Variants in SEC63 observed in about 807,000 individuals in gnomAD.
The protein encoded by SEC63 is translocation protein SEC63 homolog.
In SEC63, 56 loss-of-function variants were observed where a neutral mutation model predicts 116.2. The observed-to-expected ratio is 0.48, with a 90% CI of 0.39 to 0.60. The LOEUF is 0.60. Among genes scored for constraint, SEC63 ranks in the 20% least tolerant of loss-of-function variants. SEC63 has a pLI of 0.00. For synonymous variants in SEC63, 273 were observed against 294.6 expected, an observed-to-expected ratio of 0.93 and a Z score of 0.75; for missense variants, 668 against 900.0, an observed-to-expected ratio of 0.74 and a Z score of 3.30.
chr6:107,915,357 G>A (rs1787374995), intron 4 of SEC63, among the ~76,000 whole-genome samples: 2 of 152,080 alleles, frequency 1.3e-5, no homozygotes, highest in Non-Finnish European at 2.9e-5. Flanking sequence ...AGGGACTCCA[G>A]ATCATAAATC....
intron 16 of SEC63, among the ~76,000 whole-genome samples, chr6:107,889,446 A>T (rs1786620046): frequency 6.6e-6 from 1 of 151,862 alleles, no homozygotes; most frequent in African/African-American, 2.4e-5. Flanking sequence ...CATCCCCTTT[A>T]TCTTTTTTTA....
At chr6:107,910,465 TA>T (rs1787250647) in intron 7 of SEC63, among the ~76,000 whole-genome samples, 1 of 151,954 alleles carries the variant, frequency 6.6e-6, no homozygotes, top group African/African-American at 2.4e-5. Context: ...CAAAAATAAA[TA>T]AATAACAAAA....
intron 13 of SEC63, among the ~76,000 whole-genome samples, chr6:107,898,538 T>C (rs975782330): frequency 6.6e-6 from 1 of 152,122 alleles, no homozygotes; most frequent in Non-Finnish European, 1.5e-5. Flanking sequence ...AAGAGACTTA[T>C]TTTTTTAAAG....
chr6:107,941,957 C>G (rs1327816687), intron 1 of SEC63, among the ~76,000 whole-genome samples: 1 of 152,164 alleles, frequency 6.6e-6, no homozygotes, highest in East Asian at 1.9e-4. Flanking sequence ...AAATAAAAAG[C>G]TGAAGTTTGT....
At chr6:107,900,697 T>A (rs367563545) in intron 13 of SEC63, among the ~76,000 whole-genome samples, 2 of 152,268 alleles carry the variant, frequency 1.3e-5, no homozygotes, top group East Asian at 3.9e-4. Flanking sequence ...ATTATTAATA[T>A]ATCCCTGTAT....
intron 1 of SEC63, among the ~76,000 whole-genome samples, chr6:107,956,954 C>T (rs1390567317): frequency 6.6e-6 from 1 of 152,226 alleles, no homozygotes; most frequent in Non-Finnish European, 1.5e-5. Context: ...TCAAAACCCA[C>T]TCCTTACTGT....
In SEC63 at chr6:107,871,311, T is replaced by C. The variant is rs1403487775; in HGVS notation, c.*393A>G. On this transcript the variant is annotated 3_prime_UTR_variant, in exon 21 of 21. Coordinates refer to ENST00000369002, the MANE Select transcript of SEC63 (RefSeq NM_007214.5). Reference sequence around the variant, plus strand: ...CTTGAGCGATGTTACTTAAAACATATTTGTGGTGTTTGCTAAAACTAAAGC... The same window carrying C: ...CTTGAGCGATGTTACTTAAAACATACTTGTGGTGTTTGCTAAAACTAAAGC... 4.7e-6 allele frequency: 1 copy of C among 212,646 alleles called. No homozygotes were observed. Among genetic ancestry groups the C allele is most frequent in the African/African-American group, 2.3e-5 (1 of 43,126 alleles). 13.2% of individuals were successfully genotyped at this position (212,646 alleles called of 1,614,324 possible).
intron 1 of SEC63, among the ~76,000 whole-genome samples, chr6:107,955,017 C>T (rs992256766): frequency 2.0e-5 from 3 of 152,182 alleles, no homozygotes; most frequent in Non-Finnish European, 2.9e-5. Context: ...GGATGTAAAA[C>T]GGGCAAACTG....
intron 1 of SEC63, among the ~76,000 whole-genome samples, chr6:107,942,910 T>C (rs1009544638): frequency 1.3e-5 from 2 of 152,368 alleles, no homozygotes; most frequent in East Asian, 1.9e-4. Context: ...ATCTACAGTA[T>C]ATATCAAGCA....
At chr6:107,904,996 G>A (rs1300937205) in intron 10 of SEC63, among the ~76,000 whole-genome samples, 2 of 152,204 alleles carry the variant, frequency 1.3e-5, no homozygotes, top group African/African-American at 4.8e-5. Flanking sequence ...GGTGGCTCAC[G>A]CCTATAATCC....
In SEC63 at chr6:107,870,037, GAC is replaced by G. The variant is rs1370816663; in HGVS notation, c.*1665_*1666del. 2.6e-5 allele frequency: 4 copies of G among 152,046 alleles called. No individual in the cohort carries two copies. The highest frequency in any genetic ancestry group is 5.9e-5 in the Non-Finnish European group (4 of 68,034). 9.4% of individuals were successfully genotyped at this position (152,046 alleles called of 1,614,324 possible). On this transcript the variant is annotated 3_prime_UTR_variant, in exon 21 of 21. Coordinates refer to ENST00000369002, the MANE Select transcript of SEC63 (RefSeq NM_007214.5). The stretch of plus-strand genomic sequence containing the variant: ...TTTTCTCTAATCCCTCCTTTCACTT[GAC>G]ACCAGCTGGCTTACCCCCTGCCACC...
At chr6:107,896,567 C>T (rs12111264) in intron 14 of SEC63, among the ~76,000 whole-genome samples, 1,656 of 152,258 alleles carry the variant, frequency 0.011, 32 homozygotes, top group African/African-American at 0.038. Context: ...CATATATGTA[C>T]GTATGCACTA....
At chr6:107,949,303 A>G (rs1297262089) in intron 1 of SEC63, among the ~76,000 whole-genome samples, 1 of 152,134 alleles carries the variant, frequency 6.6e-6, no homozygotes, top group East Asian at 1.9e-4. Context: ...TGTTTAATGT[A>G]ATCCCCATGG....
chr6:107,901,664 G>A (rs752493510), intron 12 of SEC63, 147 bp from the exon 13 acceptor site: 34 of 563,778 alleles, frequency 6.0e-5, no homozygotes, highest in Non-Finnish European at 9.2e-5. Flanking sequence ...ACAAAATAAC[G>A]ATATGGCATT....
At chr6:107,904,185 G>A (rs1175978083) in intron 11 of SEC63, among the ~76,000 whole-genome samples, 1 of 151,352 alleles carries the variant, frequency 6.6e-6, no homozygotes, top group Non-Finnish European at 1.5e-5. Flanking sequence ...GCTGAGGCAG[G>A]TGGATCACGA....
intron 16 of SEC63, among the ~76,000 whole-genome samples, chr6:107,889,761 G>A (rs1485142658): frequency 7.9e-5 from 12 of 151,994 alleles, no homozygotes; most frequent in Non-Finnish European, 1.6e-4. Context: ...AATGTGTCCC[G>A]GAGATTCTGG....
intron 20 of SEC63, 133 bp downstream of exon 20, chr6:107,872,675 T>C: frequency 1.6e-6 from 1 of 633,368 alleles, no homozygotes; most frequent in Non-Finnish European, 2.8e-6. Flanking sequence ...GTCCATCAAG[T>C]ATATCATATA....
intron 1 of SEC63, among the ~76,000 whole-genome samples, chr6:107,946,167 C>A (rs1046486915): frequency 6.6e-6 from 1 of 152,098 alleles, no homozygotes; most frequent in African/African-American, 2.4e-5. Flanking sequence ...GAACTCCCGA[C>A]CTCATGATCC....
chr6:107,949,504 A>C (rs932240165), intron 1 of SEC63, among the ~76,000 whole-genome samples: 1 of 152,192 alleles, frequency 6.6e-6, no homozygotes, highest in African/African-American at 2.4e-5. Context: ...AAAATTAGAA[A>C]ATGCAAAGAA....
Sources: allele counts gnomAD v4.1 joint callset (sites outside exome capture counted in the v4.1 genomes callset), GRCh38; gene constraint gnomAD v4.1.1; transcripts MANE v1.5; gene names NCBI Gene and HGNC (gene_info 2026-07-23, HGNC 2026-07-21).